PDZRN4: variants seen among roughly 807,000 people sequenced by gnomAD.
PDZRN4 encodes PDZ domain containing ring finger 4, also known as PDZ domain-containing RING finger protein 4.
In PDZRN4, 70 loss-of-function variants were observed where a neutral mutation model predicts 99.0. That is an observed-to-expected ratio of 0.71 (90% CI 0.58 to 0.86). The LOEUF (loss-of-function observed/expected upper bound fraction) is 0.86. PDZRN4 is among the 40% of genes least tolerant of loss of function. PDZRN4 has a pLI of 0.00. For synonymous variants in PDZRN4, 551 were observed against 501.6 expected (o/e 1.10, Z -1.32); for missense variants, 1,474 against 1,331.2 (o/e 1.11, Z -1.67).
chr12:41,255,332 A>G (rs953626243), intron 3 of PDZRN4, among the ~76,000 whole-genome samples: 2 of 152,340 alleles, frequency 1.3e-5, no homozygotes, highest in South Asian at 4.1e-4. Flanking sequence ...ATAGAGTTCG[A>G]TAATTAAGCC....
In PDZRN4 at chr12:41,354,668, G is replaced by A. The variant is rs116163006; in HGVS notation, c.844-151788G>A. ...CTCTGGAGGCCTACCCAGAAGTGAG[G>A]AAGGCTATCATAAGAAGCAGAAAAT... On this transcript the variant is annotated intron_variant, in intron 3 of 9. Coordinates refer to ENST00000402685, the MANE Select transcript of PDZRN4 (RefSeq NM_001164595.2). Among the ~76,000 whole-genome samples, 731 of 152,094 alleles carry A rather than the reference G, an allele frequency of 4.8e-3. 5 individuals carry two copies. Among genetic ancestry groups the A allele is most frequent in the African/African-American group, 0.011 (475 of 41,510 alleles).
intron 3 of PDZRN4, among the ~76,000 whole-genome samples, chr12:41,330,772 G>A (rs1164787228): frequency 6.6e-6 from 1 of 152,028 alleles, no homozygotes; most frequent in Non-Finnish European, 1.5e-5. Context: ...GTTTCTCAAA[G>A]TAAGAATAAT....
chr12:41,259,630 C>G (rs954897871), intron 3 of PDZRN4, among the ~76,000 whole-genome samples: 1 of 151,964 alleles, frequency 6.6e-6, no homozygotes, highest in African/African-American at 2.4e-5. Context: ...ACAAAGACTT[C>G]AAGACACAAG....
chr12:41,225,197 A>AT (rs1446600304), intron 3 of PDZRN4, among the ~76,000 whole-genome samples: 1 of 152,082 alleles, frequency 6.6e-6, no homozygotes, highest in Non-Finnish European at 1.5e-5. Context: ...CCTGTTGATG[A>AT]TTTTTTACTG....
chr12:41,226,417 T>A (rs951892458), intron 3 of PDZRN4, among the ~76,000 whole-genome samples: 9 of 152,116 alleles, frequency 5.9e-5, no homozygotes, highest in African/African-American at 1.7e-4. Context: ...TTTTGGGGTT[T>A]TGTTCACTGC....
intron 3 of PDZRN4, among the ~76,000 whole-genome samples, chr12:41,337,712 G>C (rs1210421919): frequency 6.6e-6 from 1 of 152,062 alleles, no homozygotes; most frequent in Non-Finnish European, 1.5e-5. Context: ...AAACTTATCA[G>C]ATGACCTTGA....
intron 3 of PDZRN4, among the ~76,000 whole-genome samples, chr12:41,441,544 A>G (rs1952681231): frequency 6.6e-6 from 1 of 152,170 alleles, no homozygotes; most frequent in Non-Finnish European, 1.5e-5. Context: ...TTCCCTAAGC[A>G]TCATCTTATT....
At chr12:41,310,570 G>A (rs1477547487) in intron 3 of PDZRN4, among the ~76,000 whole-genome samples, 1 of 151,986 alleles carries the variant, frequency 6.6e-6, no homozygotes, top group Non-Finnish European at 1.5e-5. Context: ...CTACATTGAT[G>A]GTTCCATTAT....
At chr12:41,299,341 A>G (rs941185999) in intron 3 of PDZRN4, among the ~76,000 whole-genome samples, 2 of 152,150 alleles carry the variant, frequency 1.3e-5, no homozygotes, top group African/African-American at 4.8e-5. Context: ...CTCAATGAGT[A>G]GAGTTAGATT....
At chr12:41,276,925 T>C (rs570795089) in intron 3 of PDZRN4, among the ~76,000 whole-genome samples, 19 of 152,292 alleles carry the variant, frequency 1.2e-4, no homozygotes, top group Admixed American at 8.5e-4. Flanking sequence ...TCATGCATAA[T>C]GGTTAGCTAG....
intron 3 of PDZRN4, among the ~76,000 whole-genome samples, chr12:41,268,567 A>G (rs1951294569): frequency 6.6e-6 from 1 of 152,250 alleles, no homozygotes; most frequent in Non-Finnish European, 1.5e-5. Context: ...ATTTCCAGAT[A>G]CGAAAAACTT....
At chr12:41,282,280 A>G (rs1215469467) in intron 3 of PDZRN4, among the ~76,000 whole-genome samples, 20 of 152,232 alleles carry the variant, frequency 1.3e-4, no homozygotes, top group Admixed American at 1.2e-3. Flanking sequence ...AAAGAAGAGC[A>G]TTACATAATG....
At chr12:41,407,197 T>C (rs199719204) in intron 3 of PDZRN4, among the ~76,000 whole-genome samples, 1 of 152,318 alleles carries the variant, frequency 6.6e-6, no homozygotes, top group East Asian at 1.9e-4. Context: ...TTGGGGATAA[T>C]ACTGACCTAT....
chr12:41,201,279 C>T (rs1303420916), intron 3 of PDZRN4, among the ~76,000 whole-genome samples: 1 of 151,894 alleles, frequency 6.6e-6, no homozygotes, highest in East Asian at 1.9e-4. Context: ...GTGCCACAGC[C>T]TTCTGTAGCT....
chr12:41,490,171 G>A (rs73278057), intron 3 of PDZRN4, among the ~76,000 whole-genome samples: 3,500 of 152,176 alleles, frequency 0.023, 136 homozygotes, highest in African/African-American at 0.081. Flanking sequence ...CATATAAATT[G>A]CCAGATAAAT....
At position 41,292,735 on chromosome 12, in the gene PDZRN4, C is replaced by G. The variant is rs528180742; in HGVS notation, c.843+98547C>G. On this transcript the variant is annotated intron_variant, in intron 3 of 9. Coordinates refer to ENST00000402685, the MANE Select transcript of PDZRN4 (RefSeq NM_001164595.2). Reference sequence around the variant, plus strand: ...GCTGCTAATCTGTTGTCTTCATTCTCTAAGGAATTTGGAGAAGAACGTTCA... The same window carrying G: ...GCTGCTAATCTGTTGTCTTCATTCTGTAAGGAATTTGGAGAAGAACGTTCA... 1.8e-4 allele frequency among the ~76,000 whole-genome samples: 27 copies of G among 152,212 alleles called. No individual in the cohort carries two copies. The South Asian group carries it at 5.4e-3, about 30-fold the overall frequency.
chr12:41,486,757 G>T (rs1266687476), intron 3 of PDZRN4, among the ~76,000 whole-genome samples: 1 of 152,098 alleles, frequency 6.6e-6, no homozygotes, highest in African/African-American at 2.4e-5. Context: ...CAAGGTAAAA[G>T]TCCCTGTCCA....
At chr12:41,261,666 T>C (rs756619204) in intron 3 of PDZRN4, among the ~76,000 whole-genome samples, 5 of 152,154 alleles carry the variant, frequency 3.3e-5, no homozygotes, top group Non-Finnish European at 5.9e-5. Flanking sequence ...ATATTTTGTA[T>C]TTTTAGTAGA....
At chr12:41,289,572 T>C (rs550054043) in intron 3 of PDZRN4, among the ~76,000 whole-genome samples, 139 of 152,320 alleles carry the variant, frequency 9.1e-4, no homozygotes, top group African/African-American at 3.2e-3. Context: ...CTAGAATTTA[T>C]GTAATAGAGG....
Sources: allele counts gnomAD v4.1 joint callset (sites outside exome capture counted in the v4.1 genomes callset), GRCh38; gene constraint gnomAD v4.1.1; transcripts MANE v1.5; gene names NCBI Gene and HGNC (gene_info 2026-07-23, HGNC 2026-07-21).